The following PTPRK variants were observed in gnomAD, a reference collection of about 807,000 sequenced individuals.
PTPRK encodes protein tyrosine phosphatase receptor type K.
A neutral mutation model predicts 178.0 loss-of-function variants in PTPRK; 75 were observed. The ratio of observed to expected loss-of-function variants is 0.42; its 90% CI spans 0.35 to 0.51. The LOEUF (loss-of-function observed/expected upper bound fraction) is 0.51. Ranked by LOEUF, PTPRK falls within the 20% of genes least tolerant of loss-of-function variation. The pLI, the probability that PTPRK is intolerant of heterozygous loss-of-function variation, is 0.02. For synonymous variants in PTPRK, 637 were observed against 620.6 expected (o/e 1.03, Z -0.39); for missense variants, 1,441 against 1,797.8 (o/e 0.80, Z 3.59).
Position 128,002,660 on chromosome 6 carries a change from G to A in PTPRK, c.2494+2424C>T, listed in dbSNP as rs184271029. Among the ~76,000 whole-genome samples the A allele has an allele frequency of 7.9e-5, 12 of 151,996 alleles. 1 individual carries two copies. Among genetic ancestry groups the A allele is most frequent in the Middle Eastern group, 6.8e-3 (2 of 294 alleles). ...TCTTGAAAGATAACATTACTTATCA[G>A]GTAAGGTTCATGTAGAATGTCAAAC... On this transcript the variant is annotated intron_variant, in intron 15 of 29. Coordinates refer to ENST00000368226, the MANE Select transcript of PTPRK (RefSeq NM_002844.4).
chr6:128,433,849 A>T (rs1450953492), intron 1 of PTPRK, among the ~76,000 whole-genome samples: 131 of 148,588 alleles, frequency 8.8e-4, no homozygotes, highest in African/African-American at 3.2e-3. Context: ...TTTTACAGAC[A>T]TTTATAAGTA....
At chr6:128,017,831 T>TATATATA (rs1321916988) in intron 13 of PTPRK, among the ~76,000 whole-genome samples, 1 of 137,910 alleles carries the variant, frequency 7.3e-6, no homozygotes. Context: ...TATATATATA[T>TATATATA]ATTTGGCAGA....
chr6:128,406,134 G>T (rs540990929), intron 1 of PTPRK, among the ~76,000 whole-genome samples: 1 of 151,958 alleles, frequency 6.6e-6, no homozygotes, highest in East Asian at 1.9e-4. Flanking sequence ...ATGGTGGAAC[G>T]TGACTATAGT....
chr6:128,337,255 A>G (rs1462192323), intron 2 of PTPRK, among the ~76,000 whole-genome samples: 2 of 152,092 alleles, frequency 1.3e-5, no homozygotes, highest in African/African-American at 4.8e-5. Context: ...AAGGGCTATT[A>G]CCTCTCATTA....
At chr6:128,244,658 C>T (rs1815127957) in intron 3 of PTPRK, among the ~76,000 whole-genome samples, 1 of 152,128 alleles carries the variant, frequency 6.6e-6, no homozygotes, top group African/African-American at 2.4e-5. Context: ...TAATAATCTC[C>T]AGCCATTTTA....
intron 3 of PTPRK, among the ~76,000 whole-genome samples, chr6:128,306,293 T>A (rs892393775): frequency 6.6e-6 from 1 of 152,148 alleles, no homozygotes. Context: ...AATGATAGAA[T>A]GGATTGGATT....
chr6:128,219,629 G>A (rs1266317769), intron 5 of PTPRK, among the ~76,000 whole-genome samples: 1 of 152,170 alleles, frequency 6.6e-6, no homozygotes, highest in Non-Finnish European at 1.5e-5. Flanking sequence ...TGACACTATG[G>A]TAGTAATTCT....
At chr6:128,224,036 T>C (rs1253173154) in intron 5 of PTPRK, among the ~76,000 whole-genome samples, 1 of 152,218 alleles carries the variant, frequency 6.6e-6, no homozygotes, top group Non-Finnish European at 1.5e-5. Flanking sequence ...ATTGAAAACA[T>C]TTAAATTCTA....
chr6:128,252,959 C>A (rs1007644903), intron 3 of PTPRK, among the ~76,000 whole-genome samples: 1 of 152,140 alleles, frequency 6.6e-6, no homozygotes, highest in African/African-American at 2.4e-5. Context: ...TCACTAAAGC[C>A]CCTTTCCATA....
At chr6:128,383,917 T>C (rs1275566633) in intron 2 of PTPRK, among the ~76,000 whole-genome samples, 3 of 152,198 alleles carry the variant, frequency 2.0e-5, no homozygotes, top group Non-Finnish European at 4.4e-5. Context: ...CTATAAAACA[T>C]TAAGTTAAAT....
At chr6:128,226,803 A>C in intron 5 of PTPRK, among the ~76,000 whole-genome samples, 1 of 102,628 alleles carries the variant, frequency 9.7e-6, no homozygotes, top group Non-Finnish European at 2.1e-5. Context: ...TATATATTTC[A>C]ATAAAATCAT....
At chr6:128,129,257 C>T (rs1793845360) in intron 7 of PTPRK, among the ~76,000 whole-genome samples, 1 of 152,146 alleles carries the variant, frequency 6.6e-6, no homozygotes. Flanking sequence ...TCAGAGTAGG[C>T]CATCTCATCA....
chr6:128,454,239 T>C (rs1357245996), intron 1 of PTPRK, among the ~76,000 whole-genome samples: 1 of 152,144 alleles, frequency 6.6e-6, no homozygotes, highest in Non-Finnish European at 1.5e-5. Flanking sequence ...CCTCCAGAAC[T>C]GTGAGAAATA....
At chr6:128,221,104 T>C (rs188565889) in intron 5 of PTPRK, among the ~76,000 whole-genome samples, 1 of 152,350 alleles carries the variant, frequency 6.6e-6, no homozygotes, top group Non-Finnish European at 1.5e-5. Flanking sequence ...ATATAAACTG[T>C]TAACTTCTAT....
chr6:128,184,963 A>G (rs1802520466), intron 6 of PTPRK, among the ~76,000 whole-genome samples: 1 of 152,148 alleles, frequency 6.6e-6, no homozygotes, highest in Non-Finnish European at 1.5e-5. Flanking sequence ...ATTTTTTTTC[A>G]GGAGATCAAC....
At chr6:128,500,125 A>G (rs921455576) in intron 1 of PTPRK, among the ~76,000 whole-genome samples, 8 of 152,352 alleles carry the variant, frequency 5.3e-5, no homozygotes, top group Non-Finnish European at 8.8e-5. Context: ...CAATGGCTTC[A>G]GTTTCTGATG....
chr6:128,241,309 C>T (rs950296909), intron 4 of PTPRK: 2 of 533,186 alleles, frequency 3.8e-6, no homozygotes, highest in Non-Finnish European at 7.7e-6. Context: ...TCTAGACCAG[C>T]AACATCAGCT....
chr6:128,308,043 T>C (rs543118301), intron 3 of PTPRK, among the ~76,000 whole-genome samples: 8 of 152,108 alleles, frequency 5.3e-5, no homozygotes, highest in African/African-American at 1.9e-4. Flanking sequence ...GACAAATGAC[T>C]GAATAATCAA....
intron 3 of PTPRK, among the ~76,000 whole-genome samples, chr6:128,272,697 A>G (rs1386128975): frequency 6.6e-6 from 1 of 152,196 alleles, no homozygotes; most frequent in Non-Finnish European, 1.5e-5. Context: ...ATCATTAAAA[A>G]GTCAGGAAAC....
Sources: allele counts gnomAD v4.1 joint callset (sites outside exome capture counted in the v4.1 genomes callset), GRCh38; gene constraint gnomAD v4.1.1; transcripts MANE v1.5; gene names NCBI Gene and HGNC (gene_info 2026-07-23, HGNC 2026-07-21).